PDE1C: variants seen among roughly 807,000 people sequenced by gnomAD.
PDE1C encodes dual specificity calcium/calmodulin-dependent 3',5'-cyclic nucleotide phosphodiesterase 1C.
PDE1C carries 62 observed loss-of-function variants against 93.1 expected under a neutral mutation model. That is an observed-to-expected ratio of 0.67 (90% CI 0.54 to 0.82). PDE1C has a LOEUF of 0.82. PDE1C is among the 40% of genes least tolerant of loss of function. The pLI, the probability that PDE1C is intolerant of heterozygous loss-of-function variation, is 0.00. For missense variants in PDE1C, 742 were observed against 884.6 expected (o/e 0.84, Z 2.04); for synonymous variants, 325 against 310.1 (o/e 1.05, Z -0.50).
chr7:31,675,869 C>G, the PDE1C span, among the ~76,000 whole-genome samples: 2,669 of 152,210 alleles, frequency 0.018, 37 homozygotes, highest in Middle Eastern at 0.041. Flanking sequence ...TTACCAAAAT[C>G]TAAGCCCACA....
intron 2 of PDE1C, among the ~76,000 whole-genome samples, chr7:32,003,865 T>C (rs979186158): frequency 2.0e-5 from 3 of 151,968 alleles, no homozygotes; most frequent in Admixed American, 1.3e-4. Context: ...AATACTCATA[T>C]GGAGTTAGTG....
chr7:32,136,364 C>T (rs565925836), intron 3 of PDE1C, among the ~76,000 whole-genome samples: 6 of 151,732 alleles, frequency 4.0e-5, no homozygotes, highest in East Asian at 3.9e-4. Context: ...ATTTTTGAGA[C>T]GGAGTCTCAC....
At chr7:32,408,757 C>A (rs1433826880) in intron 1 of PDE1C, among the ~76,000 whole-genome samples, 1 of 151,850 alleles carries the variant, frequency 6.6e-6, no homozygotes, top group Non-Finnish European at 1.5e-5. Context: ...CTGCTGCACT[C>A]CAGCCTGAGT....
intron 2 of PDE1C, among the ~76,000 whole-genome samples, chr7:32,014,733 A>G (rs1049522987): frequency 6.6e-6 from 1 of 152,198 alleles, no homozygotes; most frequent in Non-Finnish European, 1.5e-5. Flanking sequence ...TTCCTGTGTC[A>G]GTTGGCTGAG....
chr7:32,424,696 C>T (rs1165220415), intron 1 of PDE1C, among the ~76,000 whole-genome samples: 1 of 152,040 alleles, frequency 6.6e-6, no homozygotes, highest in African/African-American at 2.4e-5. Context: ...CCTGTAGTTC[C>T]AGCTACTCAG....
chr7:31,643,141 AG>A, the PDE1C span: 1 of 1,613,974 alleles, frequency 6.2e-7, no homozygotes, highest in Non-Finnish European at 8.5e-7. Context: ...CAAAGTGCAA[AG>A]CCACCACAAT....
chr7:32,136,283 C>T (rs549870923), intron 3 of PDE1C, among the ~76,000 whole-genome samples: 1 of 152,096 alleles, frequency 6.6e-6, no homozygotes, highest in Non-Finnish European at 1.5e-5. Flanking sequence ...ACATTGTATG[C>T]CTTGAGTATA....
chr7:31,912,452 G>A (rs1282170019), intron 2 of PDE1C, among the ~76,000 whole-genome samples: 1 of 152,080 alleles, frequency 6.6e-6, no homozygotes, highest in Non-Finnish European at 1.5e-5. Flanking sequence ...TTGGGAGGCC[G>A]AGACAGGTGG....
chr7:32,163,384 GA>G (rs1419283328), intron 3 of PDE1C, among the ~76,000 whole-genome samples: 1 of 152,186 alleles, frequency 6.6e-6, no homozygotes, highest in Admixed American at 6.5e-5. Flanking sequence ...AAGCCAAAAT[GA>G]GGATGAGTTC....
the PDE1C span, among the ~76,000 whole-genome samples, chr7:31,688,670 A>C: frequency 6.6e-6 from 1 of 152,234 alleles, no homozygotes; most frequent in African/African-American, 2.4e-5. Flanking sequence ...ATTTACAAGT[A>C]TCTCTCTGTA....
At chr7:31,801,742 ACTT>A (rs1786075098) in intron 16 of PDE1C, among the ~76,000 whole-genome samples, 2 of 151,592 alleles carry the variant, frequency 1.3e-5, no homozygotes, top group East Asian at 1.9e-4. Flanking sequence ...TATTGCTGAA[ACTT>A]CTTTATTCCT....
chr7:32,071,429 T>A, upstream of PDE1C: 1 of 985,464 alleles, frequency 1.0e-6, no homozygotes, highest in Non-Finnish European at 1.2e-6. Context: ...TCTTGATGTT[T>A]TCTTGCTAAA....
upstream of PDE1C, among the ~76,000 whole-genome samples, chr7:32,300,060 A>G (rs1184183412): frequency 3.9e-5 from 6 of 152,260 alleles, no homozygotes; most frequent in East Asian, 1.2e-3. Flanking sequence ...ATGGCTCCAC[A>G]TATCTTCAGA....
intron 2 of PDE1C, among the ~76,000 whole-genome samples, chr7:31,891,215 C>T (rs536549876): frequency 6.6e-6 from 1 of 152,234 alleles, no homozygotes; most frequent in South Asian, 2.1e-4. Flanking sequence ...ACTGATTGCT[C>T]CTGGTCACTT....
the PDE1C span, among the ~76,000 whole-genome samples, chr7:31,736,390 A>G: frequency 3.2e-3 from 492 of 152,278 alleles, 5 homozygotes; most frequent in Middle Eastern, 0.024. Context: ...GAGTTCCCCA[A>G]ACTGGAGACC....
intron 3 of PDE1C, among the ~76,000 whole-genome samples, chr7:32,091,384 G>GA (rs1319049960): frequency 6.6e-6 from 1 of 152,126 alleles, no homozygotes; most frequent in Non-Finnish European, 1.5e-5. Flanking sequence ...AGAGCTGTGG[G>GA]AAAAAATGCA....
At chr7:32,394,146 G>A (rs897464348) in intron 1 of PDE1C, among the ~76,000 whole-genome samples, 3 of 152,186 alleles carry the variant, frequency 2.0e-5, no homozygotes, top group African/African-American at 7.2e-5. Flanking sequence ...AGACCCCTGA[G>A]GCTTAGGTGC....
the PDE1C span, chr7:31,643,753 A>G: frequency 3.3e-5 from 53 of 1,613,958 alleles, no homozygotes; most frequent in African/African-American, 2.3e-4. Context: ...TATCTGCCCA[A>G]TGGGCACCTG....
intron 2 of PDE1C, among the ~76,000 whole-genome samples, chr7:32,014,455 A>T (rs1177556233): frequency 6.7e-6 from 1 of 148,582 alleles, no homozygotes; most frequent in African/African-American, 2.4e-5. Flanking sequence ...GAAGAAATAT[A>T]TGTCTTTTTT....
Sources: gnomAD v4.1 joint callset for allele counts (sites outside exome capture counted in the v4.1 genomes callset) on GRCh38, gnomAD v4.1.1 for gene constraint, MANE v1.5 for transcripts, NCBI Gene and HGNC (gene_info 2026-07-23, HGNC 2026-07-21) for gene names.